SLC25A10: variants seen among roughly 807,000 people sequenced by gnomAD.
SLC25A10 encodes the protein solute carrier family 25 member 10, also known as mitochondrial dicarboxylate carrier.
In SLC25A10, 32 loss-of-function variants were observed where a neutral mutation model predicts 40.4. That is an observed-to-expected ratio of 0.79 (90% CI 0.60 to 1.06). SLC25A10 has a LOEUF of 1.06. SLC25A10 is among the 50% of genes least tolerant of loss of function. SLC25A10 has a pLI of 0.00. For synonymous variants in SLC25A10, 181 were observed against 171.1 expected (o/e 1.06, Z -0.45); for missense variants, 394 against 402.6 (o/e 0.98, Z 0.18).
At chr17:81,717,763 G>A (rs779529015) in intron 8 of SLC25A10, 21 bp from the exon 9 acceptor site, 8 of 1,607,400 alleles carry the variant, frequency 5.0e-6, no homozygotes, top group Non-Finnish European at 6.8e-6. Flanking sequence ...ACAGGCCGCT[G>A]GTGACGAGCC....
chr17:81,715,899 G>C (rs1437206152), intron 4 of SLC25A10, 110 bp from the exon 5 acceptor site: 1 of 1,424,650 alleles, frequency 7.0e-7, no homozygotes, highest in Admixed American at 1.9e-5. Flanking sequence ...CTGAGCCCCG[G>C]CGTGCCCTGT....
rs2037581120 is a variant in SLC25A10, at chr17:81,720,956, C to G, written c.*879C>G. The G allele has an allele frequency of 1.3e-5, 2 of 155,628 alleles. No homozygotes were observed. The highest frequency in any genetic ancestry group is 6.5e-5 in the Admixed American group (1 of 15,368). The allele number at this position is 155,628 out of a possible 1,614,324, so 9.6% of individuals were successfully genotyped here. A position where few individuals can be genotyped will look rare whatever the true frequency, so the allele number is the denominator to read the frequency against. ...CCCTGGTCGCTGGGCTTCACCCCAC[C>G]TGGGAAGGGCAGTGTGCTCTGTGGG... On this transcript the variant is annotated 3_prime_UTR_variant, in exon 11 of 11. Transcript: ENST00000350690.
intron 4 of SLC25A10, 94 bp downstream of exon 4, chr17:81,715,835 C>T (rs888995555): frequency 9.1e-6 from 14 of 1,545,024 alleles, no homozygotes; most frequent in Admixed American, 3.4e-5. Flanking sequence ...GTGGGGTCAG[C>T]CTGGAATAAG....
chr17:81,720,126 C>A lies in SLC25A10; in HGVS notation c.*49C>A. On this transcript the variant is annotated 3_prime_UTR_variant, in exon 11 of 11. Coordinates refer to ENST00000350690, the MANE Select transcript of SLC25A10 (RefSeq NM_012140.5). ...GCCAGGCCAGACACGCTAGGTTCTT[C>A]CAAAGAGTCCCAAGCCCAGCACCTG... The A allele has an allele frequency of 6.2e-7, 1 of 1,604,434 alleles. No homozygotes were observed. The highest frequency in any genetic ancestry group is 8.5e-7 in the Non-Finnish European group (1 of 1,178,832).
At chr17:81,715,375 C>T in intron 2 of SLC25A10, 103 bp from the exon 3 acceptor site, 2 of 1,038,834 alleles carry the variant, frequency 1.9e-6, no homozygotes, top group Non-Finnish European at 2.9e-6. Flanking sequence ...CCTCAGGGTC[C>T]CTGTGGCCCC....
chr17:81,716,931 C>G, intron 6 of SLC25A10, 71 bp from the exon 7 acceptor site: 1 of 1,606,406 alleles, frequency 6.2e-7, no homozygotes, highest in East Asian at 2.2e-5. Flanking sequence ...AGACTGGGCG[C>G]TGAGGGATTT....
At chr17:81,717,703 G>A (rs2037515035) in intron 8 of SLC25A10, 81 bp from the exon 9 acceptor site, 2 of 1,506,994 alleles carry the variant, frequency 1.3e-6, no homozygotes, top group East Asian at 2.4e-5. Context: ...GGAGTCAGGT[G>A]GAGGTTCTGG....
Position 81,715,488 on chromosome 17 carries a change from C to T in SLC25A10, c.224C>T (p.Ser75Phe), listed in dbSNP as rs1412288389. The stretch of plus-strand genomic sequence containing the variant: ...GCCCTTCTCCCCCAGATGACCTACT[C>T]CCTGACTCGGTTCGCCATCTACGAG... ...SASLCRQMTY[S>F]LTRFAIYETV... Residue 75 changes from serine (S) to phenylalanine (F), a missense_variant, in exon 3 of 11, where the codon TCC becomes TTC. Ser to Phe is a radical substitution (Grantham distance 155, BLOSUM62 -2). Coordinates refer to ENST00000350690, the MANE Select transcript of SLC25A10 (RefSeq NM_012140.5). The T allele has an allele frequency of 2.5e-6, 4 of 1,612,538 alleles. No homozygotes were observed. The highest frequency in any genetic ancestry group is 1.3e-5 in the African/African-American group (1 of 74,916).
Position 81,712,296 on chromosome 17 carries a change from C to T in SLC25A10, c.-131C>T. On this transcript the variant is annotated 5_prime_UTR_variant, in exon 1 of 11. Coordinates refer to ENST00000350690, the MANE Select transcript of SLC25A10 (RefSeq NM_012140.5). The stretch of plus-strand genomic sequence containing the variant: ...GGGGCGCGCGCGCGCATTGGCTGTG[C>T]GGGGTGCGGGCGCGCGGGCGGCGCT... The T allele has an allele frequency of 5.2e-6, 2 of 381,356 alleles. No individual in the cohort carries two copies. Among genetic ancestry groups the T allele is most frequent in the Non-Finnish European group, 7.7e-6 (2 of 261,332 alleles). The allele number at this position is 381,356 out of a possible 1,614,324, so 23.6% of individuals were successfully genotyped here. A position where few individuals can be genotyped will look rare whatever the true frequency, so the allele number is the denominator to read the frequency against.
In SLC25A10 at chr17:81,720,822, G is replaced by GC. The variant is rs35078476; in HGVS notation, c.*752dup. 68 of 235,356 alleles carry GC rather than the reference G, an allele frequency of 2.9e-4. No individual in the cohort carries two copies. Among genetic ancestry groups the GC allele is most frequent in the African/African-American group, 1.4e-3 (60 of 44,384 alleles). 14.6% of individuals were successfully genotyped at this position (235,356 alleles called of 1,614,324 possible). On this transcript the variant is annotated 3_prime_UTR_variant, in exon 11 of 11. Coordinates refer to ENST00000350690, the MANE Select transcript of SLC25A10 (RefSeq NM_012140.5). ...GTGCCTGCGTCCCTCGGGCACCTGG[G>GC]CCCCCCCGCTTGGCTCCCTGGGGGA...
intron 1 of SLC25A10, among the ~76,000 whole-genome samples, chr17:81,713,933 C>T (rs768609017): frequency 6.6e-6 from 1 of 152,252 alleles, no homozygotes; most frequent in Non-Finnish European, 1.5e-5. Flanking sequence ...CTCCTGAGGA[C>T]TGCTCACCAG....
intron 6 of SLC25A10, 48 bp downstream of exon 6, chr17:81,716,903 G>T (rs1349206413): frequency 6.2e-7 from 1 of 1,606,222 alleles, no homozygotes; most frequent in African/African-American, 1.3e-5. Flanking sequence ...GGGCAGGCAG[G>T]GTGGGCAGCG....
At chr17:81,717,896 C>T (rs200246664) in intron 9 of SLC25A10, 35 bp downstream of exon 9, 2 of 1,540,176 alleles carry the variant, frequency 1.3e-6, no homozygotes, top group East Asian at 2.3e-5. Context: ...TTGGGCTGCA[C>T]AGCCCAGCGA....
chr17:81,715,143 C>T (rs1158147463), intron 2 of SLC25A10, 71 bp downstream of exon 2: 23 of 1,570,318 alleles, frequency 1.5e-5, no homozygotes, highest in Admixed American at 8.7e-5. Context: ...AAGCTACTTC[C>T]GTCCCCTTTT....
In SLC25A10 at chr17:81,720,353, CAG is replaced by C. The variant is rs1426778337; in HGVS notation, c.*277_*278del. On this transcript the variant is annotated 3_prime_UTR_variant, in exon 11 of 11. Transcript: ENST00000350690. ...TCCCGCTGGCAGCTCCTCAGGGGAA[CAG>C]GGGCTACCAGAGGCTGATTTCTCCC... 2.0e-5 allele frequency: 29 copies of C among 1,417,106 alleles called. No homozygotes were observed. Among genetic ancestry groups the C allele is most frequent in the African/African-American group, 1.0e-4 (7 of 69,322 alleles). The allele number at this position is 1,417,106 out of a possible 1,614,324, so 87.8% of individuals were successfully genotyped here.
Position 81,715,736 on chromosome 17 carries a change from C to T in SLC25A10, c.372C>T (p.Asn124=), listed in dbSNP as rs75872106. The change falls in exon 4 of 11, where the codon AAC becomes AAT. Residue 124 remains asparagine (N), a synonymous_variant. Coordinates refer to ENST00000350690, the MANE Select transcript of SLC25A10 (RefSeq NM_012140.5). ...TGGGGACGCCCGCAGACTTGGTCAA[C>T]GTCAGGTTGGTGTTCCCCCACCCCA... is the stretch of plus-strand genomic sequence containing the variant. ...GFVGTPADLV[N]VRMQNDVKLP... The T allele has an allele frequency of 1.8e-3, 2,841 of 1,613,304 alleles. 52 individuals are homozygous for T. In the African/African-American group the frequency reaches 0.032, roughly 18 times the overall value.
intron 9 of SLC25A10, 71 bp from the exon 10 acceptor site, chr17:81,719,760 C>A: frequency 6.3e-7 from 1 of 1,589,052 alleles, no homozygotes; most frequent in South Asian, 1.1e-5. Flanking sequence ...TGGCTGGTGC[C>A]TGGGAGGGGA....
rs1038423460 is a variant in SLC25A10, at chr17:81,720,246, C to T, written c.*169C>T. ...CTGCTGGCTGAGCTCCTCCTGGCCT[C>T]GTCCCCTCTCAGCTGTAGCTGCACC... is the stretch of plus-strand genomic sequence containing the variant. On this transcript the variant is annotated 3_prime_UTR_variant, in exon 11 of 11. Coordinates refer to ENST00000350690, the MANE Select transcript of SLC25A10 (RefSeq NM_012140.5). 23 of 1,449,884 alleles carry T rather than the reference C, an allele frequency of 1.6e-5. No homozygotes were observed. The highest frequency in any genetic ancestry group is 1.3e-4 in the African/African-American group (9 of 69,956). The allele number at this position is 1,449,884 out of a possible 1,614,324, so 89.8% of individuals were successfully genotyped here.
At chr17:81,717,206 G>A in intron 7 of SLC25A10, 134 bp downstream of exon 7, 5 of 1,139,250 alleles carry the variant, frequency 4.4e-6, no homozygotes, top group Non-Finnish European at 6.4e-6. Flanking sequence ...TGTGGGGCAG[G>A]GTGGGGGGCA....
Sources: allele counts gnomAD v4.1 joint callset (sites outside exome capture counted in the v4.1 genomes callset), GRCh38; gene constraint gnomAD v4.1.1; transcripts MANE v1.5; gene names NCBI Gene and HGNC (gene_info 2026-07-23, HGNC 2026-07-21).